Variants in CFAP299 observed in about 807,000 individuals in gnomAD.
CFAP299 encodes the protein cilia- and flagella-associated protein 299.
In CFAP299, 21 loss-of-function variants were observed where a neutral mutation model predicts 27.0. The ratio of observed to expected loss-of-function variants is 0.78; its 90% CI spans 0.55 to 1.12. The LOEUF (loss-of-function observed/expected upper bound fraction) is 1.12. Among genes scored for constraint, CFAP299 ranks in the 50% most tolerant of loss-of-function variants. CFAP299 has a pLI of 0.00. For synonymous variants in CFAP299, 104 were observed against 98.1 expected, an observed-to-expected ratio of 1.06 and a Z score of -0.36; for missense variants, 310 against 276.6, an observed-to-expected ratio of 1.12 and a Z score of -0.86.
chr4:80,886,216 G>A (rs1334356960), intron 4 of CFAP299, among the ~76,000 whole-genome samples: 1 of 152,156 alleles, frequency 6.6e-6, no homozygotes, highest in South Asian at 2.1e-4. Flanking sequence ...AATTGCTAAG[G>A]TTTTTACTCC....
chr4:80,725,768 T>A (rs1723123797), intron 3 of CFAP299, among the ~76,000 whole-genome samples: 1 of 152,230 alleles, frequency 6.6e-6, no homozygotes, highest in Non-Finnish European at 1.5e-5. Flanking sequence ...TGGTCCTGTT[T>A]TTAATATGGC....
intron 3 of CFAP299, among the ~76,000 whole-genome samples, chr4:80,717,942 C>T (rs529497415): frequency 1.4e-4 from 22 of 152,142 alleles, no homozygotes; most frequent in South Asian, 6.2e-4. Context: ...TTTAGTTTTA[C>T]GATTATAATG....
In CFAP299 at chr4:80,796,558, G is replaced by T. The variant is rs1578131697; in HGVS notation, c.334-73435G>T. The stretch of plus-strand genomic sequence containing the variant: ...ACTGAAGGCGAATTGCTTCTGGTGG[G>T]CCTTATGGACAGTAATGGAGAAAAG... On this transcript the variant is annotated intron_variant, in intron 3 of 5. Transcript: ENST00000358105. Among the ~76,000 whole-genome samples the T allele has an allele frequency of 3.9e-5, 6 of 152,262 alleles. 1 individual carries two copies. The highest frequency in any genetic ancestry group is 3.9e-4 in the Admixed American group (6 of 15,278).
chr4:80,837,152 G>A (rs1292428773), intron 3 of CFAP299, among the ~76,000 whole-genome samples: 2 of 152,024 alleles, frequency 1.3e-5, no homozygotes, highest in Non-Finnish European at 2.9e-5. Flanking sequence ...GAAAAGATTG[G>A]TTTTTATCAG....
At chr4:80,786,867 G>A (rs1171380132) in intron 3 of CFAP299, among the ~76,000 whole-genome samples, 2 of 152,042 alleles carry the variant, frequency 1.3e-5, no homozygotes, top group African/African-American at 4.8e-5. Context: ...GACAATTTAT[G>A]TAACTCAGAT....
intron 3 of CFAP299, among the ~76,000 whole-genome samples, chr4:80,722,502 C>G (rs1219681050): frequency 6.6e-6 from 1 of 151,758 alleles, no homozygotes; most frequent in African/African-American, 2.4e-5. Context: ...TCAAAAGACA[C>G]TCTTAGTAGA....
In CFAP299 at chr4:80,667,323, C is replaced by G. The variant is rs1435991964; in HGVS notation, c.333+84140C>G. Among the ~76,000 whole-genome samples the G allele has an allele frequency of 2.0e-5, 3 of 152,156 alleles. No individual in the cohort carries two copies. In the East Asian group the frequency reaches 5.8e-4, roughly 29 times the overall value. On this transcript the variant is annotated intron_variant, in intron 3 of 5. Transcript: ENST00000358105. ...GATATTCATCATCTTAAATCTTTATCTTTTCTTTATGCTAGAAACTTTTGA... is the reference window on the plus strand; with the variant it reads ...GATATTCATCATCTTAAATCTTTATGTTTTCTTTATGCTAGAAACTTTTGA...
chr4:80,804,428 A>T (rs1728762578), intron 3 of CFAP299, among the ~76,000 whole-genome samples: 1 of 152,148 alleles, frequency 6.6e-6, no homozygotes, highest in East Asian at 1.9e-4. Flanking sequence ...CTCAAGGTGC[A>T]TTAATGTTGT....
At chr4:80,857,954 A>G (rs566188709) in intron 3 of CFAP299, among the ~76,000 whole-genome samples, 8 of 151,938 alleles carry the variant, frequency 5.3e-5, no homozygotes, top group African/African-American at 1.4e-4. Flanking sequence ...CTCTTTTTCT[A>G]TTGATTGGAA....
At chr4:80,921,220 A>G (rs796942003) in intron 4 of CFAP299, among the ~76,000 whole-genome samples, 16 of 152,266 alleles carry the variant, frequency 1.1e-4, no homozygotes, top group African/African-American at 3.6e-4. Flanking sequence ...GATTTGATAA[A>G]GATAAATAAG....
At chr4:80,873,612 G>A (rs2110170629) in intron 4 of CFAP299, among the ~76,000 whole-genome samples, 1 of 152,256 alleles carries the variant, frequency 6.6e-6, no homozygotes, top group East Asian at 1.9e-4. Context: ...ACTTACTAAA[G>A]TTCATAAGTG....
At chr4:80,718,861 A>G (rs1722642774) in intron 3 of CFAP299, among the ~76,000 whole-genome samples, 1 of 152,184 alleles carries the variant, frequency 6.6e-6, no homozygotes, top group Non-Finnish European at 1.5e-5. Flanking sequence ...AACAGTAATT[A>G]GAGGAAAGTT....
chr4:80,764,527 A>G lies in CFAP299; in HGVS notation c.334-105466A>G, dbSNP rs554506447. Among the ~76,000 whole-genome samples the G allele has an allele frequency of 3.8e-4, 58 of 152,328 alleles. 1 individual carries two copies. In the South Asian group the frequency reaches 0.011, roughly 30 times the overall value. On this transcript the variant is annotated intron_variant, in intron 3 of 5. Coordinates refer to ENST00000358105, the MANE Select transcript of CFAP299 (RefSeq NM_152770.3). ...TAAATTAGTTTAACCATTGTGGAAG[A>G]CAGTATGGTGATTCCTCAAGGATCT...
At chr4:80,349,725 T>G (rs557355156) in intron 1 of CFAP299, among the ~76,000 whole-genome samples, 1 of 152,302 alleles carries the variant, frequency 6.6e-6, no homozygotes, top group South Asian at 2.1e-4. Context: ...TCTAAAGCCA[T>G]TCTTACTATA....
intron 3 of CFAP299, among the ~76,000 whole-genome samples, chr4:80,852,059 A>G (rs368336382): frequency 6.6e-6 from 1 of 152,118 alleles, no homozygotes; most frequent in Non-Finnish European, 1.5e-5. Context: ...TTATATTCAG[A>G]CCTACCTATA....
intron 2 of CFAP299, among the ~76,000 whole-genome samples, chr4:80,473,993 C>T (rs1560583613): frequency 6.6e-6 from 1 of 152,110 alleles, no homozygotes; most frequent in Non-Finnish European, 1.5e-5. Flanking sequence ...ATTTTGACTA[C>T]TTAAAAATTA....
chr4:80,673,842 C>CTTTT (rs201682901), intron 3 of CFAP299, among the ~76,000 whole-genome samples: 1 of 128,766 alleles, frequency 7.8e-6, no homozygotes, highest in Non-Finnish European at 1.7e-5. Flanking sequence ...CAAACTCTGC[C>CTTTT]TTTTTTTTTT....
chr4:80,356,790 A>G (rs1723301510), intron 1 of CFAP299, among the ~76,000 whole-genome samples: 1 of 152,094 alleles, frequency 6.6e-6, no homozygotes, highest in Non-Finnish European at 1.5e-5. Flanking sequence ...AATAAAGACA[A>G]TTTGACTTCC....
the CFAP299 span, among the ~76,000 whole-genome samples, chr4:80,323,313 G>T: frequency 4.1e-3 from 624 of 152,328 alleles, 2 homozygotes; most frequent in Admixed American, 0.014. Flanking sequence ...GTTTTGTGCA[G>T]TTCATTTCTC....
Sources: allele counts gnomAD v4.1 joint callset (sites outside exome capture counted in the v4.1 genomes callset), GRCh38; gene constraint gnomAD v4.1.1; transcripts MANE v1.5; gene names NCBI Gene and HGNC (gene_info 2026-07-23, HGNC 2026-07-21).